Variants in XRCC1 observed in about 807,000 individuals in gnomAD.
XRCC1 encodes the protein DNA repair protein XRCC1.
In XRCC1, 52 loss-of-function variants were observed where a neutral mutation model predicts 83.3. The observed-to-expected ratio is 0.62, with a 90% confidence interval of 0.50 to 0.79. The LOEUF (loss-of-function observed/expected upper bound fraction) is 0.79. Ranked by LOEUF, XRCC1 falls within the 30% of genes least tolerant of loss-of-function variation. The pLI is 0.00. For synonymous variants in XRCC1, 281 were observed against 312.6 expected (o/e 0.90, Z 1.07); for missense variants, 793 against 823.5 (o/e 0.96, Z 0.45).
At chr19:43,571,750 G>T (rs751863981) in intron 2 of XRCC1, among the ~76,000 whole-genome samples, 1 of 152,188 alleles carries the variant, frequency 6.6e-6, no homozygotes, top group Non-Finnish European at 1.5e-5. Context: ...GCCTCCCAAA[G>T]TGCTGGGATT....
chr19:43,551,958 G>A, intron 9 of XRCC1, 59 bp downstream of exon 9: 2 of 1,572,632 alleles, frequency 1.3e-6, no homozygotes, highest in Non-Finnish European at 1.7e-6. Context: ...CAAGGTGGAG[G>A]AGACACAGGG....
Position 43,543,361 on chromosome 19 carries a change from TG to T in XRCC1, c.*30del, listed in dbSNP as rs2146039469. The stretch of plus-strand genomic sequence containing the variant: ...TGCATCGTGTGTGTGTGTGTGTGTG[TG>T]TGTGTGTGTGTGTGTGTATAGCACA... On this transcript the variant is annotated 3_prime_UTR_variant, in exon 17 of 17. Coordinates refer to ENST00000262887, the MANE Select transcript of XRCC1 (RefSeq NM_006297.3). 2 of 1,393,760 alleles carry T rather than the reference TG, an allele frequency of 1.4e-6. No homozygotes were observed. Among genetic ancestry groups the T allele is most frequent in the South Asian group, 1.2e-5 (1 of 86,606 alleles). 86.3% of individuals were successfully genotyped at this position (1,393,760 alleles called of 1,614,324 possible).
At position 43,554,635 on chromosome 19, in the gene XRCC1, A is replaced by G; in HGVS notation, c.414+11T>C. 8.1e-6 allele frequency: 13 copies of G among 1,602,172 alleles called. No homozygotes were observed. The highest frequency in any genetic ancestry group is 1.1e-5 in the Non-Finnish European group (13 of 1,172,772). ...CCAAGGACTCTGCACCCTGGCTCCCACCCTAGGTACCTTGCTGTAGGGCTG... is the reference window on the plus strand; with the variant it reads ...CCAAGGACTCTGCACCCTGGCTCCCGCCCTAGGTACCTTGCTGTAGGGCTG... On this transcript the variant is annotated intron_variant, in intron 4 of 16. Coordinates refer to ENST00000262887, the MANE Select transcript of XRCC1 (RefSeq NM_006297.3).
intron 2 of XRCC1, among the ~76,000 whole-genome samples, chr19:43,566,525 CTG>C (rs1167206435): frequency 7.8e-6 from 1 of 128,452 alleles, no homozygotes; most frequent in Admixed American, 8.6e-5. Flanking sequence ...GAGCAAGACT[CTG>C]TCTCAAAAAA....
intron 3 of XRCC1, among the ~76,000 whole-genome samples, chr19:43,557,127 T>C (rs1198075158): frequency 6.6e-6 from 1 of 151,428 alleles, no homozygotes; most frequent in African/African-American, 2.4e-5. Flanking sequence ...GCCAACATAG[T>C]GAAACCCCAT....
chr19:43,567,363 AGTG>A (rs2146068900), intron 2 of XRCC1, among the ~76,000 whole-genome samples: 1 of 151,812 alleles, frequency 6.6e-6, no homozygotes, highest in African/African-American at 2.4e-5. Flanking sequence ...CCCAGGCTGG[AGTG>A]CAGTGGTGCA....
intron 2 of XRCC1, among the ~76,000 whole-genome samples, chr19:43,573,849 C>T (rs185547587): frequency 2.0e-5 from 3 of 152,264 alleles, no homozygotes; most frequent in Admixed American, 1.3e-4. Context: ...CACTGCACTA[C>T]AGCCTGGGAA....
intron 10 of XRCC1, 100 bp downstream of exon 10, chr19:43,551,471 A>T: frequency 9.6e-7 from 1 of 1,045,740 alleles, no homozygotes; most frequent in Non-Finnish European, 1.5e-6. Context: ...GGCTGGGACC[A>T]CCTGTGTTCT....
chr19:43,551,486 T>G, intron 10 of XRCC1, 85 bp downstream of exon 10: 1 of 1,219,296 alleles, frequency 8.2e-7, no homozygotes, highest in Non-Finnish European at 1.2e-6. Context: ...TGTTCTCCGC[T>G]GGCAGGCCCC....
chr19:43,550,298 T>C (rs1404034356), intron 10 of XRCC1, among the ~76,000 whole-genome samples: 8 of 150,082 alleles, frequency 5.3e-5, no homozygotes, highest in Non-Finnish European at 8.9e-5. Flanking sequence ...AAAAAAAAAG[T>C]CCGCAAATAG....
At chr19:43,574,626 T>C (rs1568520283) in intron 2 of XRCC1, 2 of 399,140 alleles carry the variant, frequency 5.0e-6, no homozygotes, top group Non-Finnish European at 9.5e-6. Flanking sequence ...GCAGAGTACG[T>C]GGCAATGATT....
intron 2 of XRCC1, among the ~76,000 whole-genome samples, chr19:43,566,700 G>A (rs1297902991): frequency 1.3e-5 from 2 of 151,356 alleles, no homozygotes; most frequent in Admixed American, 1.3e-4. Flanking sequence ...GCAACACGGC[G>A]AAACCCCGTC....
intron 3 of XRCC1, among the ~76,000 whole-genome samples, chr19:43,560,477 C>T (rs980948574): frequency 1.3e-5 from 2 of 151,816 alleles, no homozygotes; most frequent in African/African-American, 4.8e-5. Flanking sequence ...TGGAAGCAGG[C>T]GTTAGAGTGA....
intron 14 of XRCC1, 33 bp downstream of exon 14, chr19:43,545,785 T>C (rs56266531): frequency 1.1e-5 from 17 of 1,609,804 alleles, no homozygotes; most frequent in Non-Finnish European, 1.4e-5. Flanking sequence ...GAAGAGAAAA[T>C]GCCACTTCAG....
rs533735581 is a variant in XRCC1 at position 43,552,829 on chromosome 19, T to G, written c.791A>C (p.Gln264Pro). 1 of 1,612,726 alleles carries G rather than the reference T, an allele frequency of 6.2e-7. No homozygotes were observed. The highest frequency in any genetic ancestry group is 2.2e-5 in the East Asian group (1 of 44,868). Residue 264 changes from glutamine (Q) to proline (P), a missense_variant, in exon 8 of 17, where the codon CAG (glutamine) becomes CCG (proline). Gln to Pro is a moderately conservative substitution (Grantham distance 76, BLOSUM62 -1). Transcript: ENST00000262887. ...TCTCTTGGGAACAGATGGCGACAGC[T>G]GGGCTGGTGGTTTGCTGGGGGTCTT... is the stretch of plus-strand genomic sequence containing the variant. ...EKKTPSKPPA[Q>P]LSPSVPKRPK...
At chr19:43,556,918 T>C (rs1972642286) in intron 3 of XRCC1, among the ~76,000 whole-genome samples, 2 of 152,070 alleles carry the variant, frequency 1.3e-5, no homozygotes, top group South Asian at 4.1e-4. Context: ...GGCACAAGAA[T>C]CGCTTGAACC....
intron 2 of XRCC1, among the ~76,000 whole-genome samples, chr19:43,567,476 T>TA (rs1186675780): frequency 6.6e-6 from 1 of 152,006 alleles, no homozygotes; most frequent in East Asian, 1.9e-4. Context: ...CACCCCCGGC[T>TA]AATTTTTGTA....
chr19:43,553,424 C>T lies in XRCC1; in HGVS notation c.578G>A (p.Ser193Asn), dbSNP rs2146052340. 6.2e-7 allele frequency: 1 copy of T among 1,614,164 alleles called. No homozygotes were observed. The highest frequency in any genetic ancestry group is 2.2e-5 in the East Asian group (1 of 44,872). The change falls in exon 6 of 17, where the codon AGC becomes AAC. Residue 193 changes from serine to asparagine, a missense_variant. By Grantham distance (46) the Ser-to-Asn change is conservative. Transcript: ENST00000262887. ...NSLRPGALFF[S>N]RINKTSPVTA... is the part of the protein sequence containing the mutation. ...ACCTGGGGATGTCTTGTTGATCCGGCTGAAGAAGAGAGCCCCCGGCCTCAG... is the reference window on the plus strand; with the variant it reads ...ACCTGGGGATGTCTTGTTGATCCGGTTGAAGAAGAGAGCCCCCGGCCTCAG...
At chr19:43,552,679 AG>A in intron 8 of XRCC1, 117 bp downstream of exon 8, 2 of 1,004,886 alleles carry the variant, frequency 2.0e-6, no homozygotes, top group Non-Finnish European at 2.9e-6. Flanking sequence ...CCTCAGACCC[AG>A]GGGTCCAGGC....
Sources: gnomAD v4.1 joint callset for allele counts (sites outside exome capture counted in the v4.1 genomes callset) on GRCh38, gnomAD v4.1.1 for gene constraint, MANE v1.5 for transcripts, NCBI Gene and HGNC (gene_info 2026-07-23, HGNC 2026-07-21) for gene names.